Variants in A2ML1 observed in about 807,000 individuals in gnomAD.
A2ML1 encodes alpha-2-macroglobulin like 1, also known as alpha-2-macroglobulin-like protein 1.
A2ML1 carries 161 observed loss-of-function variants against 181.9 expected under a neutral mutation model. That is an observed-to-expected ratio of 0.89 (90% confidence interval 0.78 to 1.01). The LOEUF (loss-of-function observed/expected upper bound fraction) is 1.01. Among genes scored for constraint, A2ML1 ranks in the 50% least tolerant of loss-of-function variants. The pLI is 0.00. For missense variants in A2ML1, 1,670 were observed against 1,768.1 expected, an observed-to-expected ratio of 0.94 and a Z score of 1.00; for synonymous variants, 663 against 666.8, an observed-to-expected ratio of 0.99 and a Z score of 0.09.
intron 23 of A2ML1, among the ~76,000 whole-genome samples, chr12:8,856,253 G>T (rs1231686608): frequency 6.6e-6 from 1 of 152,206 alleles, no homozygotes; most frequent in Non-Finnish European, 1.5e-5. Context: ...TGCAGTCACA[G>T]TGTCTCTGTT....
At chr12:8,832,562 C>T (rs1181676063) in intron 4 of A2ML1, among the ~76,000 whole-genome samples, 1 of 152,126 alleles carries the variant, frequency 6.6e-6, no homozygotes, top group Non-Finnish European at 1.5e-5. Flanking sequence ...AAGATGGAGT[C>T]GGTTAGGTCT....
chr12:8,839,780 T>C (rs1395036629), intron 10 of A2ML1, among the ~76,000 whole-genome samples: 1 of 152,126 alleles, frequency 6.6e-6, no homozygotes. Context: ...ACAGTCTCGC[T>C]CTTGTTGCCC....
chr12:8,860,243 C>T (rs764467684), intron 26 of A2ML1, among the ~76,000 whole-genome samples: 3 of 151,878 alleles, frequency 2.0e-5, no homozygotes, highest in East Asian at 1.9e-4. Context: ...GGGGTTTTAC[C>T]GTGTTGCCCA....
downstream of A2ML1, among the ~76,000 whole-genome samples, chr12:8,877,809 T>G (rs1944827947): frequency 2.0e-5 from 3 of 152,128 alleles, no homozygotes; most frequent in South Asian, 6.2e-4. Flanking sequence ...AGAATTAACA[T>G]TCAACCCAGC....
Position 8,823,285 on chromosome 12 carries a change from C to G in A2ML1, c.166C>G (p.Leu56Val), listed in dbSNP as rs770444077. 3.7e-6 allele frequency: 6 copies of G among 1,613,996 alleles called. No individual in the cohort carries two copies. The South Asian group carries it at 6.6e-5, about 18-fold the overall frequency. ...GYSDVKFTVT[L>V]ETKDKTQKLL... ...CAGTGATGTTAAATTCACGGTTACT[C>G]TGGAGACCAAGGACAAGACCCAGAA... Residue 56 changes from leucine to valine, a missense_variant, in exon 2 of 36, where the codon CTG (leucine) becomes GTG (valine). Coordinates refer to ENST00000299698, the MANE Select transcript of A2ML1 (RefSeq NM_144670.6).
intron 8 of A2ML1, among the ~76,000 whole-genome samples, chr12:8,838,123 T>C (rs1409873996): frequency 6.6e-6 from 1 of 152,186 alleles, no homozygotes; most frequent in African/African-American, 2.4e-5. Flanking sequence ...TTTGAAGGCA[T>C]TTCTTTTTCC....
At chr12:8,849,827 C>T in intron 17 of A2ML1, 68 bp downstream of exon 17, 1 of 1,449,104 alleles carries the variant, frequency 6.9e-7, no homozygotes, top group South Asian at 1.2e-5. Context: ...CAGATTTCCT[C>T]TTGCCTCCTG....
At chr12:8,833,028 C>T (rs866885947) in intron 4 of A2ML1, among the ~76,000 whole-genome samples, 5 of 139,320 alleles carry the variant, frequency 3.6e-5, no homozygotes, top group South Asian at 2.3e-4. Context: ...GGTTGGAGTG[C>T]AGTAGCGGGA....
chr12:8,831,554 G>T (rs959204922), intron 4 of A2ML1, among the ~76,000 whole-genome samples: 8 of 152,118 alleles, frequency 5.3e-5, no homozygotes, highest in African/African-American at 1.9e-4. Flanking sequence ...AGAAAGCTAG[G>T]ATAAAAATTG....
Position 8,863,869 on chromosome 12 carries a change from A to ATG in A2ML1, c.3581_3582dup (p.Glu1195TrpfsTer17), listed in dbSNP as rs1311278948. The ATG allele has an allele frequency of 6.2e-7, 1 of 1,614,210 alleles. No individual in the cohort carries two copies. The highest frequency in any genetic ancestry group is 2.2e-5 in the East Asian group (1 of 44,878). Reference sequence around the variant, plus strand: ...CCTTGGTCTGAGCCTGCGGCTGTAGATGTGGAACTCACAGCATATGCATTG... The same window carrying ATG: ...CCTTGGTCTGAGCCTGCGGCTGTAGATGTGTGGAACTCACAGCATATGCATTG... On this transcript the variant is annotated frameshift_variant, in exon 29 of 36. Transcript: ENST00000299698. LOFTEE classifies it high-confidence loss of function.
downstream of A2ML1, among the ~76,000 whole-genome samples, chr12:8,881,542 A>G (rs1944870622): frequency 6.6e-6 from 1 of 152,080 alleles, no homozygotes; most frequent in African/African-American, 2.4e-5. Flanking sequence ...TCATAAGGGG[A>G]AATTTATATC....
At position 8,823,173 on chromosome 12, in the gene A2ML1, CT is replaced by C. The variant is rs1463624612; in HGVS notation, c.63-6del. 1.2e-6 allele frequency: 2 copies of C among 1,612,474 alleles called. No individual in the cohort carries two copies. The highest frequency in any genetic ancestry group is 4.5e-5 in the East Asian group (2 of 44,860). ...TTATTGCCCTGAAATCCTTCTGCTCCTTTAATAGAAACTACCTGGTGACATT... is the reference window on the plus strand; with the variant it reads ...TTATTGCCCTGAAATCCTTCTGCTCCTTAATAGAAACTACCTGGTGACATT... On this transcript the variant is annotated splice_polypyrimidine_tract_variant and splice_region_variant and intron_variant, in intron 1 of 35. Coordinates refer to ENST00000299698, the MANE Select transcript of A2ML1 (RefSeq NM_144670.6).
At chr12:8,859,928 A>G (rs1297799455) in intron 26 of A2ML1, among the ~76,000 whole-genome samples, 6 of 151,952 alleles carry the variant, frequency 3.9e-5, no homozygotes, top group Non-Finnish European at 7.4e-5. Flanking sequence ...TGTGTAGCCA[A>G]GGTTAGTGGT....
At chr12:8,868,400 C>G (rs1043699074) in intron 31 of A2ML1, 43 bp downstream of exon 31, 1 of 1,607,434 alleles carries the variant, frequency 6.2e-7, no homozygotes, top group Non-Finnish European at 8.5e-7. Context: ...AGCACCTGGT[C>G]ATAGGAGCTG....
intron 33 of A2ML1, among the ~76,000 whole-genome samples, chr12:8,870,301 TC>T (rs1369216775): frequency 5.9e-5 from 9 of 152,068 alleles, no homozygotes; most frequent in African/African-American, 2.2e-4. Flanking sequence ...GCAGTCTCGC[TC>T]TGTCACCCAG....
intron 28 of A2ML1, among the ~76,000 whole-genome samples, chr12:8,861,762 C>T (rs1424313845): frequency 2.0e-5 from 3 of 151,366 alleles, no homozygotes; most frequent in South Asian, 2.1e-4. Flanking sequence ...GCTGGTATTA[C>T]AGGCATGAGC....
At chr12:8,858,235 G>A (rs1246319440) in intron 26 of A2ML1, 133 bp downstream of exon 26, 22 of 1,112,294 alleles carry the variant, frequency 2.0e-5, no homozygotes, top group South Asian at 9.1e-5. Flanking sequence ...CTGGGTGACC[G>A]TGATCAAAAT....
chr12:8,870,944 T>C (rs73236244), intron 33 of A2ML1, among the ~76,000 whole-genome samples: 7,033 of 152,242 alleles, frequency 0.046, 511 homozygotes, highest in African/African-American at 0.16. Context: ...GGTTATTTCC[T>C]CTTTTCTGTG....
intron 8 of A2ML1, 130 bp downstream of exon 8, chr12:8,837,696 A>G (rs1192059319): frequency 1.0e-6 from 1 of 993,992 alleles, no homozygotes; most frequent in Non-Finnish European, 1.4e-6. Context: ...CCTGACCAAT[A>G]TGGGGAAACC....
Sources: gnomAD v4.1 joint callset for allele counts (sites outside exome capture counted in the v4.1 genomes callset) on GRCh38, gnomAD v4.1.1 for gene constraint, MANE v1.5 for transcripts, NCBI Gene and HGNC (gene_info 2026-07-23, HGNC 2026-07-21) for gene names.